SPCS2: variants seen among roughly 807,000 people sequenced by gnomAD.
The protein encoded by SPCS2 is signal peptidase complex subunit 2.
Under a neutral mutation model 22.3 loss-of-function variants are expected in SPCS2, and 3 were observed. The ratio of observed to expected loss-of-function variants is 0.13; its 90% CI spans 0.06 to 0.35. SPCS2 has a LOEUF of 0.35. SPCS2 is among the 10% of genes least tolerant of loss of function. The pLI is 1.00. For missense variants in SPCS2, 169 were observed against 280.9 expected (o/e 0.60, Z 2.85); for synonymous variants, 67 against 97.2 (o/e 0.69, Z 1.83).
intron 1 of SPCS2, among the ~76,000 whole-genome samples, chr11:74,962,772 A>T (rs1357538977): frequency 1.3e-5 from 2 of 152,206 alleles, no homozygotes; most frequent in Non-Finnish European, 2.9e-5. Flanking sequence ...AAGTCAAATT[A>T]TAACCTTTCT....
At chr11:74,965,140 G>T in intron 2 of SPCS2, 23 bp downstream of exon 2, 4 of 1,502,470 alleles carry the variant, frequency 2.7e-6, no homozygotes, top group Non-Finnish European at 3.6e-6. Flanking sequence ...GGAGGGGTTG[G>T]TTAGTATCTA....
intron 4 of SPCS2, among the ~76,000 whole-genome samples, chr11:74,974,519 A>C (rs975078920): frequency 5.9e-5 from 9 of 152,162 alleles, no homozygotes; most frequent in African/African-American, 2.2e-4. Flanking sequence ...CTGTCAGCAA[A>C]TCCTGTTAGC....
At chr11:74,969,488 T>C in intron 3 of SPCS2, 77 bp from the exon 4 acceptor site, 1 of 1,417,558 alleles carries the variant, frequency 7.1e-7, no homozygotes, top group South Asian at 1.3e-5. Flanking sequence ...ATTATGAAAG[T>C]TTTTATATCT....
At position 74,949,353 on chromosome 11, in the gene SPCS2, C is replaced by T; in HGVS notation, c.68C>T (p.Ala23Val). The change falls in exon 1 of 5, where the codon GCT (alanine) becomes GTT (valine). Residue 23 changes from alanine to valine, a missense_variant. Transcript: ENST00000263672. Reference protein sequence around the residue: ...GSGGCSGAGGASNCGTGSGRS... With the variant: ...GSGGCSGAGGVSNCGTGSGRS... ...GGAGGCTGTAGTGGGGCTGGTGGTGCTTCCAACTGCGGGACAGGAAGTGGC... is the reference window on the plus strand; with the variant it reads ...GGAGGCTGTAGTGGGGCTGGTGGTGTTTCCAACTGCGGGACAGGAAGTGGC... 6.4e-7 allele frequency: 1 copy of T among 1,551,560 alleles called. No individual in the cohort carries two copies. Among genetic ancestry groups the T allele is most frequent in the Non-Finnish European group, 8.7e-7 (1 of 1,146,942 alleles).
chr11:74,964,379 T>C (rs931839883), intron 1 of SPCS2, among the ~76,000 whole-genome samples: 1 of 152,246 alleles, frequency 6.6e-6, no homozygotes, highest in African/African-American at 2.4e-5. Context: ...AAGTAGAGTT[T>C]GTCCACTCAA....
At chr11:74,972,720 CT>C (rs1027143391) in intron 4 of SPCS2, among the ~76,000 whole-genome samples, 343 of 141,708 alleles carry the variant, frequency 2.4e-3, no homozygotes, top group East Asian at 4.3e-3. Flanking sequence ...ATTCCCTTCT[CT>C]TTTTTTTTTT....
chr11:74,978,478 G>A lies in SPCS2; in HGVS notation c.*1435G>A, dbSNP rs1405171164. On this transcript the variant is annotated 3_prime_UTR_variant, in exon 5 of 5. Transcript: ENST00000263672. ...ACCGGATAAGTGTATTTTTACAATGGAGGAGTTACAGTCATCTTGGTATTT... is the reference window on the plus strand; with the variant it reads ...ACCGGATAAGTGTATTTTTACAATGAAGGAGTTACAGTCATCTTGGTATTT... 6.6e-6 allele frequency: 1 copy of A among 152,138 alleles called. No homozygotes were observed. Among genetic ancestry groups the A allele is most frequent in the Non-Finnish European group, 1.5e-5 (1 of 68,044 alleles). The allele number at this position is 152,138 out of a possible 1,614,324, so 9.4% of individuals were successfully genotyped here.
chr11:74,967,437 T>C (rs1281019775), intron 3 of SPCS2, among the ~76,000 whole-genome samples: 1 of 152,040 alleles, frequency 6.6e-6, no homozygotes, highest in Non-Finnish European at 1.5e-5. Flanking sequence ...TTATTTATAA[T>C]GTAGGGACTA....
At chr11:74,971,442 C>G (rs1948583861) in intron 4 of SPCS2, among the ~76,000 whole-genome samples, 1 of 152,314 alleles carries the variant, frequency 6.6e-6, no homozygotes, top group African/African-American at 2.4e-5. Context: ...AGTGGCTGCC[C>G]TATTTTACAA....
intron 1 of SPCS2, among the ~76,000 whole-genome samples, chr11:74,959,194 T>C (rs548888511): frequency 2.0e-5 from 3 of 152,234 alleles, no homozygotes; most frequent in Non-Finnish European, 4.4e-5. Context: ...TGGTAATTCT[T>C]CATCTCTCCA....
At chr11:74,958,994 T>A (rs926397671) in intron 1 of SPCS2, among the ~76,000 whole-genome samples, 2 of 152,232 alleles carry the variant, frequency 1.3e-5, no homozygotes, top group Admixed American at 6.5e-5. Flanking sequence ...AGAATAAAGT[T>A]CAAGTTCTTT....
chr11:74,952,634 G>A (rs182429483), intron 1 of SPCS2, among the ~76,000 whole-genome samples: 49 of 152,190 alleles, frequency 3.2e-4, no homozygotes, highest in Admixed American at 2.4e-3. Flanking sequence ...CTGTCCTTTG[G>A]AATCTACTAG....
At chr11:74,950,750 G>T (rs1257528974) in intron 1 of SPCS2, among the ~76,000 whole-genome samples, 1 of 152,126 alleles carries the variant, frequency 6.6e-6, no homozygotes, top group Admixed American at 6.6e-5. Flanking sequence ...TTACTGTGTT[G>T]CCCTGGCTGG....
chr11:74,961,186 A>T (rs1265729654), intron 1 of SPCS2, among the ~76,000 whole-genome samples: 20 of 152,222 alleles, frequency 1.3e-4, no homozygotes, highest in Non-Finnish European at 2.9e-4. Context: ...ATTAATAGCA[A>T]CAGCAATAGC....
chr11:74,972,045 A>C (rs1948587847), intron 4 of SPCS2, among the ~76,000 whole-genome samples: 1 of 151,862 alleles, frequency 6.6e-6, no homozygotes, highest in African/African-American at 2.4e-5. Flanking sequence ...AACATGCCTT[A>C]GTCTAAATTA....
At chr11:74,958,725 C>G (rs1341608097) in intron 1 of SPCS2, among the ~76,000 whole-genome samples, 1 of 152,088 alleles carries the variant, frequency 6.6e-6, no homozygotes, top group African/African-American at 2.4e-5. Context: ...TCATCTCTGT[C>G]TCTTCTCTTT....
chr11:74,965,072 G>T lies in SPCS2; in HGVS notation c.153G>T (p.Trp51Cys). 1.3e-6 allele frequency: 2 copies of T among 1,551,198 alleles called. No homozygotes were observed. The highest frequency in any genetic ancestry group is 1.7e-6 in the Non-Finnish European group (2 of 1,146,600). Residue 51 changes from tryptophan to cysteine, a missense_variant, in exon 2 of 5, where the codon TGG becomes TGT. By Grantham distance (215) the Trp-to-Cys change is radical (BLOSUM62 -2). Around this residue, in one of 2 missense-constraint regions of SPCS2, gnomAD observed 118 missense variants for 243.1 expected, o/e 0.49. Coordinates refer to ENST00000263672, the MANE Select transcript of SPCS2 (RefSeq NM_014752.3). ...ATAAGCCTGTAAAAATTGACAAGTG[G>T]GATGGATCAGCTGTGAAAAACTCTT... Reference protein sequence around the residue: ...IDDKPVKIDKWDGSAVKNSLD... With the variant: ...IDDKPVKIDKCDGSAVKNSLD...
At chr11:74,963,630 G>A (rs886149057) in intron 1 of SPCS2, 11 of 435,702 alleles carry the variant, frequency 2.5e-5, no homozygotes, top group African/African-American at 4.1e-5. Flanking sequence ...GGCTGGACTC[G>A]AGCTCCTGGG....
intron 1 of SPCS2, among the ~76,000 whole-genome samples, chr11:74,952,980 G>A (rs1292895): frequency 0.45 from 68,173 of 152,000 alleles, 15,720 homozygotes; most frequent in Middle Eastern, 0.53. Context: ...GTGCTTCTCT[G>A]TAGTGATCAA....
Sources: gnomAD v4.1 joint callset for allele counts (sites outside exome capture counted in the v4.1 genomes callset) on GRCh38, gnomAD v4.1.1 for gene constraint, gnomAD v4.1.1 regional missense constraint, MANE v1.5 for transcripts, NCBI Gene and HGNC (gene_info 2026-07-23, HGNC 2026-07-21) for gene names.